The following CNTNAP5 variants were observed in gnomAD, a reference collection of about 807,000 sequenced individuals.
CNTNAP5 encodes the protein contactin associated protein family member 5.
A neutral mutation model predicts 150.2 loss-of-function variants in CNTNAP5; 72 were observed. That is an observed-to-expected ratio of 0.48 (90% CI 0.40 to 0.58). The LOEUF (loss-of-function observed/expected upper bound fraction) is 0.58, where lower values mean the gene tolerates loss of function less well. Among genes scored for constraint, CNTNAP5 ranks in the 20% least tolerant of loss-of-function variants. CNTNAP5 has a pLI of 0.00. For missense variants in CNTNAP5, 1,636 were observed against 1,626.2 expected, an observed-to-expected ratio of 1.01 and a Z score of -0.10; for synonymous variants, 672 against 619.8, an observed-to-expected ratio of 1.08 and a Z score of -1.25.
chr2:124,578,144 C>A (rs1696332039), intron 11 of CNTNAP5, among the ~76,000 whole-genome samples: 1 of 131,616 alleles, frequency 7.6e-6, no homozygotes, highest in Admixed American at 7.7e-5. Context: ...ACCTCCGTCT[C>A]CACTAAAAAT....
At chr2:124,526,154 A>C (rs1006069137) in intron 9 of CNTNAP5, among the ~76,000 whole-genome samples, 2 of 152,216 alleles carry the variant, frequency 1.3e-5, no homozygotes, top group Non-Finnish European at 2.9e-5. Flanking sequence ...CCTCAGTTGA[A>C]GAAGCGTTCT....
At chr2:124,212,205 A>AT (rs1686032178) in intron 1 of CNTNAP5, among the ~76,000 whole-genome samples, 2 of 152,140 alleles carry the variant, frequency 1.3e-5, no homozygotes, top group Non-Finnish European at 1.5e-5. Context: ...TACCTTCCAT[A>AT]TTTTTTCTTT....
At chr2:124,145,738 T>A (rs1359886093) in intron 1 of CNTNAP5, among the ~76,000 whole-genome samples, 1 of 120,876 alleles carries the variant, frequency 8.3e-6, no homozygotes, top group African/African-American at 3.4e-5. Flanking sequence ...GGCACATGTA[T>A]ACATATGTAA....
At chr2:124,431,821 A>G (rs1298618121) in intron 4 of CNTNAP5, among the ~76,000 whole-genome samples, 1 of 151,994 alleles carries the variant, frequency 6.6e-6, no homozygotes, top group Non-Finnish European at 1.5e-5. Flanking sequence ...ACCATTTTAC[A>G]AGGATGGAAA....
intron 19 of CNTNAP5, among the ~76,000 whole-genome samples, chr2:124,853,967 G>A (rs560970863): frequency 6.6e-6 from 1 of 152,272 alleles, no homozygotes; most frequent in East Asian, 1.9e-4. Context: ...CTCCATCCCT[G>A]TTCCCACAAA....
At chr2:124,653,919 C>CCCT (rs1553427460) in intron 13 of CNTNAP5, among the ~76,000 whole-genome samples, 5 of 138,818 alleles carry the variant, frequency 3.6e-5, no homozygotes, top group Admixed American at 7.1e-5. Context: ...CAACCCCCCC[C>CCCT]CCCCGCCACA....
intron 19 of CNTNAP5, among the ~76,000 whole-genome samples, chr2:124,843,274 T>C (rs535786915): frequency 3.5e-4 from 53 of 152,140 alleles, no homozygotes; most frequent in African/African-American, 1.2e-3. Context: ...GTATTCCTTA[T>C]CCACTCGTTG....
intron 4 of CNTNAP5, among the ~76,000 whole-genome samples, chr2:124,419,988 CTTTTTTTT>C (rs772589224): frequency 1.3e-5 from 1 of 78,880 alleles, no homozygotes; most frequent in African/African-American, 4.9e-5. Context: ...TTCTTTCTTT[CTTTTTTTT>C]TTTTTTTTTT....
At chr2:124,222,210 T>C (rs1686339055) in intron 2 of CNTNAP5, among the ~76,000 whole-genome samples, 1 of 152,136 alleles carries the variant, frequency 6.6e-6, no homozygotes, top group South Asian at 2.1e-4. Flanking sequence ...TTAATATTGC[T>C]GATTTTTAAA....
intron 1 of CNTNAP5, among the ~76,000 whole-genome samples, chr2:124,129,659 T>G (rs534702246): frequency 6.6e-6 from 1 of 152,284 alleles, no homozygotes; most frequent in Admixed American, 6.5e-5. Context: ...GTGCACAAAT[T>G]TTGGCAAACA....
chr2:124,371,795 C>T (rs1690534916), intron 3 of CNTNAP5, among the ~76,000 whole-genome samples: 1 of 152,102 alleles, frequency 6.6e-6, no homozygotes, highest in Admixed American at 6.5e-5. Flanking sequence ...TGTTTGTCTA[C>T]ACCACTTCCA....
chr2:124,615,442 C>T (rs1382351708), intron 12 of CNTNAP5, among the ~76,000 whole-genome samples: 2 of 152,140 alleles, frequency 1.3e-5, no homozygotes, highest in African/African-American at 4.8e-5. Flanking sequence ...TTTGTTCATC[C>T]ATAAGAAGCA....
At chr2:124,815,343 G>C (rs1014735430) in intron 19 of CNTNAP5, among the ~76,000 whole-genome samples, 1 of 152,134 alleles carries the variant, frequency 6.6e-6, no homozygotes, top group South Asian at 2.1e-4. Context: ...TCTTTGTGCC[G>C]GCAGTTTAAT....
chr2:124,088,582 T>A (rs1682748231), intron 1 of CNTNAP5, among the ~76,000 whole-genome samples: 1 of 152,164 alleles, frequency 6.6e-6, no homozygotes, highest in Admixed American at 6.6e-5. Flanking sequence ...AACTGGCTTT[T>A]TTTTTTTACA....
intron 5 of CNTNAP5, among the ~76,000 whole-genome samples, chr2:124,440,725 C>A (rs941381588): frequency 6.6e-6 from 1 of 151,844 alleles, no homozygotes; most frequent in South Asian, 2.1e-4. Context: ...TATTTTAAAC[C>A]CCATGAAAAC....
chr2:124,779,865 G>A (rs993909084), intron 17 of CNTNAP5, among the ~76,000 whole-genome samples: 57 of 152,108 alleles, frequency 3.7e-4, no homozygotes, highest in African/African-American at 1.3e-3. Context: ...ATCTCTGTGA[G>A]CACACACAAT....
At chr2:124,452,682 G>A (rs140479415) in intron 6 of CNTNAP5, among the ~76,000 whole-genome samples, 7 of 152,234 alleles carry the variant, frequency 4.6e-5, no homozygotes, top group African/African-American at 1.4e-4. Context: ...GCCCATATCC[G>A]TGGCTGAGAG....
chr2:124,853,188 C>T (rs372762570), intron 19 of CNTNAP5, among the ~76,000 whole-genome samples: 3 of 152,190 alleles, frequency 2.0e-5, no homozygotes, highest in Middle Eastern at 3.2e-3. Context: ...CTGGATCAGT[C>T]ATCCCTTTGA....
intron 13 of CNTNAP5, among the ~76,000 whole-genome samples, chr2:124,674,519 C>G (rs1290813768): frequency 1.7e-5 from 2 of 114,740 alleles, no homozygotes; most frequent in South Asian, 6.0e-4. Context: ...CTCTTTCTTT[C>G]TTTCTTTCTT....
Sources: allele counts gnomAD v4.1 joint callset (sites outside exome capture counted in the v4.1 genomes callset), GRCh38; gene constraint gnomAD v4.1.1; transcripts MANE v1.5; gene names NCBI Gene and HGNC (gene_info 2026-07-23, HGNC 2026-07-21).